THSD7B: variants seen among roughly 807,000 people sequenced by gnomAD.
The protein encoded by THSD7B is thrombospondin type-1 domain-containing protein 7B.
THSD7B carries 138 observed loss-of-function variants against 213.6 expected under a neutral mutation model. That is an observed-to-expected ratio of 0.65 (90% CI 0.56 to 0.74). THSD7B has a LOEUF of 0.74. Ranked by LOEUF, THSD7B falls within the 30% of genes least tolerant of loss-of-function variation. The pLI is 0.00. For missense variants in THSD7B, 1,931 were observed against 1,991.5 expected (o/e 0.97, Z 0.58); for synonymous variants, 742 against 687.0 (o/e 1.08, Z -1.25).
intron 15 of THSD7B, among the ~76,000 whole-genome samples, chr2:137,472,553 C>G (rs1220619342): frequency 1.3e-5 from 2 of 152,168 alleles, no homozygotes; most frequent in Non-Finnish European, 2.9e-5. Context: ...TCTGACTTCA[C>G]AGAAAAGAGC....
intron 7 of THSD7B, among the ~76,000 whole-genome samples, chr2:137,183,553 T>C (rs1332184767): frequency 6.6e-6 from 1 of 152,112 alleles, no homozygotes; most frequent in Non-Finnish European, 1.5e-5. Flanking sequence ...TAGTCTGAGA[T>C]CACGTTCTTA....
chr2:137,212,501 T>A (rs1245529171), intron 7 of THSD7B, among the ~76,000 whole-genome samples: 1 of 152,056 alleles, frequency 6.6e-6, no homozygotes, highest in Non-Finnish European at 1.5e-5. Flanking sequence ...TGAAAATGTG[T>A]CCAAGAGAAA....
At chr2:137,366,247 G>C (rs1037696949) in intron 12 of THSD7B, among the ~76,000 whole-genome samples, 3 of 152,026 alleles carry the variant, frequency 2.0e-5, no homozygotes, top group African/African-American at 4.8e-5. Flanking sequence ...GTCATGGGGT[G>C]GGGGGATGAG....
chr2:137,192,404 G>A (rs560684622), intron 7 of THSD7B, among the ~76,000 whole-genome samples: 3 of 152,256 alleles, frequency 2.0e-5, no homozygotes, highest in African/African-American at 7.2e-5. Context: ...AATCATGAAT[G>A]TCATTTCTAG....
intron 10 of THSD7B, among the ~76,000 whole-genome samples, chr2:137,253,174 A>T (rs376977969): frequency 1.3e-5 from 2 of 152,254 alleles, no homozygotes; most frequent in South Asian, 2.1e-4. Flanking sequence ...GTGTACTTGC[A>T]TTCTTACCAA....
At chr2:137,126,169 G>C (rs1014394886) in intron 5 of THSD7B, among the ~76,000 whole-genome samples, 1 of 152,116 alleles carries the variant, frequency 6.6e-6, no homozygotes, top group Non-Finnish European at 1.5e-5. Flanking sequence ...CCTAATGAAA[G>C]AGTCAGCCTA....
intron 14 of THSD7B, among the ~76,000 whole-genome samples, chr2:137,449,075 T>C (rs1687597971): frequency 1.3e-5 from 2 of 152,200 alleles, no homozygotes; most frequent in South Asian, 4.1e-4. Context: ...AGTTATTTTG[T>C]ATTTTAGAAA....
chr2:137,277,104 C>A (rs1379997745), intron 12 of THSD7B, among the ~76,000 whole-genome samples: 1 of 152,046 alleles, frequency 6.6e-6, no homozygotes, highest in African/African-American at 2.4e-5. Context: ...AATATCTACT[C>A]CATGAATGGA....
At chr2:136,861,265 G>C (rs1458341542) in intron 1 of THSD7B, among the ~76,000 whole-genome samples, 1 of 152,192 alleles carries the variant, frequency 6.6e-6, no homozygotes, top group Non-Finnish European at 1.5e-5. Flanking sequence ...TCATTATTTA[G>C]TGGTTTGCCT....
At position 137,252,911 on chromosome 2, in the gene THSD7B, C is replaced by CTTTT. The variant is rs754932566; in HGVS notation, c.2266+10361_2266+10364dup. 4.8e-3 allele frequency among the ~76,000 whole-genome samples: 388 copies of CTTTT among 80,312 alleles called. 1 individual carries two copies. The highest frequency in any genetic ancestry group is 0.012 in the Middle Eastern group (1 of 82). 52.7% of individuals were successfully genotyped at this position (80,312 alleles called of 152,430 possible). ...GCATGTTTCCAATAGAAAAGGCTTGCTTTTTTTTTTTTTTTTTTTTTTTTT... is the reference window on the plus strand; with the variant it reads ...GCATGTTTCCAATAGAAAAGGCTTGCTTTTTTTTTTTTTTTTTTTTTTTTTTTTT... On this transcript the variant is annotated intron_variant, in intron 10 of 27. Transcript: ENST00000409968.
rs545121332 is a variant in THSD7B at position 137,174,805 on chromosome 2, G to A, written c.1723+3867G>A. 2.0e-5 allele frequency among the ~76,000 whole-genome samples: 3 copies of A among 152,296 alleles called. No individual in the cohort carries two copies. The South Asian group carries it at 6.2e-4, about 32-fold the overall frequency. On this transcript the variant is annotated intron_variant, in intron 7 of 27. Coordinates refer to ENST00000409968, the MANE Select transcript of THSD7B (RefSeq NM_001316349.2). ...CACAATATCTTATCAAATGTCAATA[G>A]ACATTTACGGAGCGTTGAATATGCA...
intron 2 of THSD7B, among the ~76,000 whole-genome samples, chr2:136,904,820 G>GAGAA (rs1402269956): frequency 6.0e-5 from 9 of 151,080 alleles, no homozygotes; most frequent in South Asian, 2.1e-4. Flanking sequence ...AAAAGAGAGA[G>GAGAA]AAAAAAAATT....
chr2:137,030,178 G>C (rs144723846), intron 2 of THSD7B, among the ~76,000 whole-genome samples: 1 of 152,088 alleles, frequency 6.6e-6, no homozygotes, highest in African/African-American at 2.4e-5. Context: ...TGTTTACATC[G>C]TATACAGACA....
At chr2:137,659,935 T>C (rs1178687847) in intron 25 of THSD7B, among the ~76,000 whole-genome samples, 189 bp downstream of exon 25, 1 of 152,236 alleles carries the variant, frequency 6.6e-6, no homozygotes, top group Non-Finnish European at 1.5e-5. Context: ...AACAGTGTTT[T>C]TCTATAAATC....
rs1479624337 is a variant in THSD7B, at chr2:137,073,810, A to G, written c.950+16580A>G. On this transcript the variant is annotated intron_variant, in intron 3 of 27. Transcript: ENST00000409968. ...TCTTTGTTCTCATTGGTTTCAAAGAACATCTTTATTTCTGCCTTCAGTTCG... is the reference window on the plus strand; with the variant it reads ...TCTTTGTTCTCATTGGTTTCAAAGAGCATCTTTATTTCTGCCTTCAGTTCG... Among the ~76,000 whole-genome samples, 4 of 152,338 alleles carry G rather than the reference A, an allele frequency of 2.6e-5. No individual in the cohort carries two copies. The East Asian group carries it at 5.8e-4, about 22-fold the overall frequency.
intron 2 of THSD7B, among the ~76,000 whole-genome samples, chr2:136,961,129 G>A (rs1176663878): frequency 4.0e-5 from 6 of 148,398 alleles, no homozygotes; most frequent in Non-Finnish European, 8.9e-5. Flanking sequence ...TGTGAGACTG[G>A]GCAGATTTTA....
At chr2:136,949,373 G>A (rs1684995732) in intron 2 of THSD7B, among the ~76,000 whole-genome samples, 1 of 152,100 alleles carries the variant, frequency 6.6e-6, no homozygotes, top group African/African-American at 2.4e-5. Context: ...CTCTCAGCCT[G>A]GTTCCCTCAC....
chr2:136,990,937 G>T, intron 2 of THSD7B: 1 of 1,343,608 alleles, frequency 7.4e-7, no homozygotes, highest in Non-Finnish European at 9.9e-7. Flanking sequence ...CAAATTAGCA[G>T]GTAAATCAGA....
At chr2:137,262,142 G>A (rs917741983) in intron 10 of THSD7B, among the ~76,000 whole-genome samples, 5 of 152,116 alleles carry the variant, frequency 3.3e-5, no homozygotes, top group South Asian at 2.1e-4. Context: ...GGCCTGAATA[G>A]CATTCTTAAG....
Sources: gnomAD v4.1 joint callset for allele counts (sites outside exome capture counted in the v4.1 genomes callset) on GRCh38, gnomAD v4.1.1 for gene constraint, MANE v1.5 for transcripts, NCBI Gene and HGNC (gene_info 2026-07-23, HGNC 2026-07-21) for gene names.